PDE10A: variants seen among roughly 807,000 people sequenced by gnomAD.
PDE10A encodes phosphodiesterase 10A.
In PDE10A, 39 loss-of-function variants were observed where a neutral mutation model predicts 97.7. That is an observed-to-expected ratio of 0.40 (90% CI 0.31 to 0.52). PDE10A has a LOEUF of 0.52. PDE10A is among the 20% of genes least tolerant of loss of function. The pLI, the probability that PDE10A is intolerant of heterozygous loss-of-function variation, is 0.56. For synonymous variants in PDE10A, 371 were observed against 376.8 expected (o/e 0.98, Z 0.18); for missense variants, 731 against 1,047.8 (o/e 0.70, Z 4.17).
At chr6:165,436,774 G>C (rs1253279750) in intron 5 of PDE10A, among the ~76,000 whole-genome samples, 1 of 152,090 alleles carries the variant, frequency 6.6e-6, no homozygotes, top group African/African-American at 2.4e-5. Flanking sequence ...CCATTTTCTA[G>C]TTACTATAAT....
intron 2 of PDE10A, among the ~76,000 whole-genome samples, chr6:165,502,033 GAAGA>G (rs977931388): frequency 3.3e-5 from 5 of 152,176 alleles, no homozygotes; most frequent in African/African-American, 1.2e-4. Flanking sequence ...GTGATTCAAT[GAAGA>G]AAGGATAATC....
chr6:165,623,502 G>C (rs989036023), intron 1 of PDE10A, among the ~76,000 whole-genome samples: 4 of 121,288 alleles, frequency 3.3e-5, no homozygotes. Context: ...GAGGGAGAGA[G>C]AGAGAGAAAA....
chr6:165,632,254 T>A (rs1490730708), intron 1 of PDE10A, among the ~76,000 whole-genome samples: 1 of 141,586 alleles, frequency 7.1e-6, no homozygotes, highest in Non-Finnish European at 1.5e-5. Flanking sequence ...GGAAACGGAA[T>A]GAACACCACC....
chr6:165,659,628 T>C (rs1191877861), intron 1 of PDE10A, among the ~76,000 whole-genome samples: 1 of 152,258 alleles, frequency 6.6e-6, no homozygotes, highest in Non-Finnish European at 1.5e-5. Flanking sequence ...AAGACTGTTC[T>C]AACCTTTTGC....
intron 1 of PDE10A, among the ~76,000 whole-genome samples, chr6:165,737,975 T>TA (rs1161759493): frequency 1.3e-5 from 2 of 151,654 alleles, no homozygotes; most frequent in Admixed American, 1.3e-4. Context: ...CAAAATCACC[T>TA]AAAAAAGTCA....
chr6:165,345,611 G>A (rs1212794407), intron 18 of PDE10A, among the ~76,000 whole-genome samples: 1 of 152,142 alleles, frequency 6.6e-6, no homozygotes, highest in Admixed American at 6.5e-5. Context: ...GCCTACTCTT[G>A]GTTTGAGATC....
chr6:165,860,101 G>A (rs914644177), intron 1 of PDE10A, among the ~76,000 whole-genome samples: 4 of 152,134 alleles, frequency 2.6e-5, no homozygotes, highest in African/African-American at 9.7e-5. Context: ...TATACTGCTT[G>A]GGTGATGGGG....
At chr6:165,807,768 T>C (rs1583122363) in intron 1 of PDE10A, among the ~76,000 whole-genome samples, 1 of 152,038 alleles carries the variant, frequency 6.6e-6, no homozygotes, top group Non-Finnish European at 1.5e-5. Context: ...AACGGAAAGG[T>C]CACCACCCTT....
chr6:165,581,698 C>A (rs996550580), intron 1 of PDE10A, among the ~76,000 whole-genome samples: 1 of 152,198 alleles, frequency 6.6e-6, no homozygotes, highest in Non-Finnish European at 1.5e-5. Flanking sequence ...GTTTCTGAGG[C>A]CTTTACAATT....
intron 1 of PDE10A, among the ~76,000 whole-genome samples, chr6:165,970,159 C>CA (rs1784626282): frequency 6.6e-6 from 1 of 152,156 alleles, no homozygotes; most frequent in East Asian, 1.9e-4. Flanking sequence ...ATCATTTGCT[C>CA]AAAATCTTCA....
intron 1 of PDE10A, chr6:165,948,605 C>T (rs888798404): frequency 3.3e-5 from 5 of 152,402 alleles, no homozygotes; most frequent in Non-Finnish European, 4.4e-5. Flanking sequence ...CCCGAATACT[C>T]CTGCTAAGGA....
Position 165,410,979 on chromosome 6 carries a change from C to T in PDE10A, c.2076+2522G>A, listed in dbSNP as rs1436616802. The stretch of plus-strand genomic sequence containing the variant: ...GGCGGTGCCTGTAGTCCCAGCTACT[C>T]GGGAGGCTGAGGCAGGAGAATGGCG... On this transcript the variant is annotated intron_variant, in intron 13 of 21. Transcript: ENST00000539869. Among the ~76,000 whole-genome samples, 8 of 80,232 alleles carry T rather than the reference C, an allele frequency of 1.0e-4. 2 individuals carry two copies. The highest frequency in any genetic ancestry group is 1.3e-4 in the Non-Finnish European group (6 of 44,512). The allele number at this position is 80,232 out of a possible 152,430, so 52.6% of individuals were successfully genotyped here. A position where few individuals can be genotyped will look rare whatever the true frequency, so the allele number is the denominator to read the frequency against.
chr6:165,843,648 C>A (rs1242222112), intron 1 of PDE10A, among the ~76,000 whole-genome samples: 1 of 152,172 alleles, frequency 6.6e-6, no homozygotes. Context: ...GCCTTCATCA[C>A]CCCGCCAAGG....
At chr6:165,363,153 CAGAA>C (rs1335029067) in intron 18 of PDE10A, among the ~76,000 whole-genome samples, 1 of 152,156 alleles carries the variant, frequency 6.6e-6, no homozygotes, top group Non-Finnish European at 1.5e-5. Context: ...CCCCTGAAAT[CAGAA>C]ACAAGAAAAG....
chr6:165,508,214 T>A (rs518589), intron 2 of PDE10A, among the ~76,000 whole-genome samples: 89,340 of 151,860 alleles, frequency 0.59, 30,890 homozygotes, highest in Non-Finnish European at 0.75. Context: ...AGATCCATTA[T>A]AATCCCTGCC....
At chr6:165,590,803 A>G (rs1054339388) in intron 1 of PDE10A, among the ~76,000 whole-genome samples, 2 of 152,182 alleles carry the variant, frequency 1.3e-5, no homozygotes, top group Admixed American at 6.5e-5. Context: ...AGGCAGGAGA[A>G]TGGCATGAAC....
chr6:165,727,585 C>T (rs1019517927), intron 1 of PDE10A, among the ~76,000 whole-genome samples: 9 of 152,202 alleles, frequency 5.9e-5, no homozygotes, highest in African/African-American at 2.2e-4. Flanking sequence ...TCACCAGTTC[C>T]TTCCCTAAGG....
chr6:165,591,461 C>T (rs1010537669), intron 1 of PDE10A, among the ~76,000 whole-genome samples: 4 of 152,170 alleles, frequency 2.6e-5, no homozygotes, highest in Non-Finnish European at 5.9e-5. Flanking sequence ...ATTGTAAAAT[C>T]TGTCAGTCCC....
intron 2 of PDE10A, among the ~76,000 whole-genome samples, chr6:165,525,611 T>C (rs1306765527): frequency 6.6e-6 from 1 of 152,172 alleles, no homozygotes; most frequent in Non-Finnish European, 1.5e-5. Context: ...ACCTGCATCT[T>C]TGAAGAGCCT....
Sources: allele counts gnomAD v4.1 joint callset (sites outside exome capture counted in the v4.1 genomes callset), GRCh38; gene constraint gnomAD v4.1.1; transcripts MANE v1.5; gene names NCBI Gene and HGNC (gene_info 2026-07-23, HGNC 2026-07-21).